Variants in SPECC1 observed in about 807,000 individuals in gnomAD.
SPECC1 encodes the protein sperm antigen with calponin homology and coiled-coil domains 1.
Under a neutral mutation model 104.1 loss-of-function variants are expected in SPECC1, and 62 were observed. The ratio of observed to expected loss-of-function variants is 0.60; its 90% CI spans 0.49 to 0.74. The LOEUF is 0.74. Among genes scored for constraint, SPECC1 ranks in the 30% least tolerant of loss-of-function variants. SPECC1 has a pLI of 0.00. For missense variants in SPECC1, 1,306 were observed against 1,310.5 expected, an observed-to-expected ratio of 1.00 and a Z score of 0.05; for synonymous variants, 513 against 501.6, an observed-to-expected ratio of 1.02 and a Z score of -0.30.
intron 3 of SPECC1, among the ~76,000 whole-genome samples, chr17:20,129,911 G>A (rs368606772): frequency 3.9e-5 from 6 of 151,986 alleles, no homozygotes; most frequent in African/African-American, 9.7e-5. Context: ...GTGCCACTGC[G>A]CCCAGCTAAT....
intron 3 of SPECC1, among the ~76,000 whole-genome samples, chr17:20,177,207 C>A (rs1050447017): frequency 6.6e-6 from 1 of 152,098 alleles, no homozygotes; most frequent in Non-Finnish European, 1.5e-5. Flanking sequence ...ATAGTGAAAT[C>A]TTTGATGTTG....
intron 4 of SPECC1, among the ~76,000 whole-genome samples, chr17:20,220,304 C>T (rs1192879073): frequency 6.6e-6 from 1 of 152,116 alleles, no homozygotes; most frequent in Non-Finnish European, 1.5e-5. Flanking sequence ...AGTCTCTACA[C>T]ATAGAGTGTC....
intron 3 of SPECC1, among the ~76,000 whole-genome samples, chr17:20,151,280 T>C (rs2031982747): frequency 6.6e-6 from 1 of 152,146 alleles, no homozygotes. Flanking sequence ...AGCTACACTT[T>C]TTTGTGATGC....
At chr17:20,064,706 GC>G (rs1245166593) in intron 1 of SPECC1, among the ~76,000 whole-genome samples, 1 of 152,152 alleles carries the variant, frequency 6.6e-6, no homozygotes, top group Non-Finnish European at 1.5e-5. Context: ...TAACTTGTAA[GC>G]CCACAAACTT....
intron 2 of SPECC1, among the ~76,000 whole-genome samples, chr17:20,105,337 G>C (rs1173585618): frequency 6.6e-6 from 1 of 152,172 alleles, no homozygotes; most frequent in Non-Finnish European, 1.5e-5. Flanking sequence ...TCAAGTGATT[G>C]TCTTGCCTTG....
chr17:20,111,244 G>A (rs1386322431), intron 3 of SPECC1, among the ~76,000 whole-genome samples: 4 of 152,142 alleles, frequency 2.6e-5, no homozygotes, highest in East Asian at 3.9e-4. Context: ...TGTCTAAGAC[G>A]GGAAAAATAA....
At chr17:20,186,904 C>T (rs2035320492) in intron 3 of SPECC1, among the ~76,000 whole-genome samples, 1 of 152,088 alleles carries the variant, frequency 6.6e-6, no homozygotes, top group African/African-American at 2.4e-5. Flanking sequence ...GCCTGATGTC[C>T]CCTGCTGGGT....
chr17:20,114,290 C>G (rs2048643402), intron 3 of SPECC1, among the ~76,000 whole-genome samples: 1 of 152,112 alleles, frequency 6.6e-6, no homozygotes, highest in African/African-American at 2.4e-5. Flanking sequence ...CTCCTGGGTT[C>G]AAGCGATTCT....
intron 4 of SPECC1, among the ~76,000 whole-genome samples, chr17:20,210,900 G>C (rs2037102472): frequency 6.6e-6 from 1 of 152,144 alleles, no homozygotes; most frequent in Admixed American, 6.5e-5. Flanking sequence ...GTTTGCTCAG[G>C]GGGTTTTCTC....
intron 1 of SPECC1, among the ~76,000 whole-genome samples, chr17:20,032,770 G>A (rs997617724): frequency 2.6e-5 from 4 of 151,628 alleles, no homozygotes; most frequent in African/African-American, 9.7e-5. Flanking sequence ...TCTGATAACT[G>A]TTTGCTCTCA....
At chr17:20,087,101 CCATCAGTT>C (rs2047208985) in intron 1 of SPECC1, 1 of 152,128 alleles carries the variant, frequency 6.6e-6, no homozygotes, top group Non-Finnish European at 1.5e-5. Context: ...TCTATGGTTA[CCATCAGTT>C]CATACTTTAC....
chr17:20,192,207 A>G (rs552094196), intron 3 of SPECC1, among the ~76,000 whole-genome samples: 2 of 152,068 alleles, frequency 1.3e-5, no homozygotes, highest in East Asian at 3.9e-4. Context: ...GACACAGGTG[A>G]TCCTCCCGCC....
chr17:20,062,807 G>T (rs1386585666), intron 1 of SPECC1, among the ~76,000 whole-genome samples: 1 of 151,734 alleles, frequency 6.6e-6, no homozygotes, highest in African/African-American at 2.4e-5. Flanking sequence ...TCCTGCCTCA[G>T]CCTCCCGAGT....
chr17:20,096,866 G>A (rs1243967244), intron 2 of SPECC1, 68 bp downstream of exon 2: 18 of 1,546,464 alleles, frequency 1.2e-5, no homozygotes, highest in Middle Eastern at 1.7e-4. Flanking sequence ...ATTGAAGAGG[G>A]CAGTAAGCAA....
chr17:20,082,593 C>G (rs988055543), intron 1 of SPECC1, among the ~76,000 whole-genome samples: 6 of 151,702 alleles, frequency 4.0e-5, no homozygotes, highest in African/African-American at 1.5e-4. Flanking sequence ...AAGACCCTGT[C>G]TCAAACTATA....
At chr17:20,232,179 G>C (rs962414703) in intron 6 of SPECC1, 21 bp from the exon 7 acceptor site, 10 of 1,613,410 alleles carry the variant, frequency 6.2e-6, no homozygotes, top group Non-Finnish European at 8.5e-6. Flanking sequence ...CTGACATAAG[G>C]ATGGGCTCTG....
At chr17:20,292,392 G>A (rs892533403) in intron 12 of SPECC1, among the ~76,000 whole-genome samples, 2 of 151,860 alleles carry the variant, frequency 1.3e-5, no homozygotes, top group African/African-American at 2.4e-5. Context: ...GTGCAGTGGC[G>A]CTATCTCAGC....
chr17:20,276,079 T>A (rs2040564906), intron 12 of SPECC1, among the ~76,000 whole-genome samples: 1 of 152,210 alleles, frequency 6.6e-6, no homozygotes, highest in South Asian at 2.1e-4. Flanking sequence ...TGCATTTATG[T>A]TATTTGCATG....
chr17:20,107,541 C>G (rs2048288713), intron 2 of SPECC1, among the ~76,000 whole-genome samples: 1 of 150,974 alleles, frequency 6.6e-6, no homozygotes, highest in South Asian at 2.1e-4. Flanking sequence ...ACTGTAACCT[C>G]CATCTCCTGG....
Sources: gnomAD v4.1 joint callset for allele counts (sites outside exome capture counted in the v4.1 genomes callset) on GRCh38, gnomAD v4.1.1 for gene constraint, MANE v1.5 for transcripts, NCBI Gene and HGNC (gene_info 2026-07-23, HGNC 2026-07-21) for gene names.